Variants in PDE10A observed in about 807,000 individuals in gnomAD.
The protein encoded by PDE10A is cAMP and cAMP-inhibited cGMP 3',5'-cyclic phosphodiesterase 10A.
A neutral mutation model predicts 97.7 loss-of-function variants in PDE10A; 39 were observed. The observed-to-expected ratio is 0.40, with a 90% CI of 0.31 to 0.52. The LOEUF is 0.52. Among genes scored for constraint, PDE10A ranks in the 20% least tolerant of loss-of-function variants. The probability of loss-of-function intolerance (pLI) is 0.56; values close to 1 mark genes in which losing one functional copy is unlikely to be tolerated. For synonymous variants in PDE10A, 371 were observed against 376.8 expected, an observed-to-expected ratio of 0.98 and a Z score of 0.18; for missense variants, 731 against 1,047.8, an observed-to-expected ratio of 0.70 and a Z score of 4.17.
At chr6:165,361,477 T>C (rs1286757014) in intron 18 of PDE10A, among the ~76,000 whole-genome samples, 10 of 152,252 alleles carry the variant, frequency 6.6e-5, no homozygotes, top group Admixed American at 6.5e-4. Context: ...CAAAGAGATA[T>C]GCTGAAGTCC....
At chr6:165,487,702 A>G (rs1454009320) in intron 2 of PDE10A, among the ~76,000 whole-genome samples, 1 of 152,168 alleles carries the variant, frequency 6.6e-6, no homozygotes, top group Non-Finnish European at 1.5e-5. Context: ...ATAAGTTAAC[A>G]ATATAAATTG....
intron 1 of PDE10A, among the ~76,000 whole-genome samples, chr6:165,911,485 T>C (rs9356404): frequency 0.17 from 25,820 of 152,168 alleles, 2,482 homozygotes; most frequent in East Asian, 0.27. Context: ...ATCCCAACTT[T>C]CATCTGGTTA....
At chr6:165,628,750 G>T (rs1021046639) in intron 1 of PDE10A, among the ~76,000 whole-genome samples, 1 of 152,004 alleles carries the variant, frequency 6.6e-6, no homozygotes, top group Non-Finnish European at 1.5e-5. Context: ...AACCCAAAAT[G>T]GTTAATTTTT....
intron 2 of PDE10A, among the ~76,000 whole-genome samples, chr6:165,530,807 G>A (rs369155821): frequency 2.0e-5 from 3 of 152,148 alleles, no homozygotes; most frequent in East Asian, 3.9e-4. Flanking sequence ...GTGTGCTGAT[G>A]TTTTGGAGAG....
chr6:165,523,938 C>T (rs182403407), intron 2 of PDE10A, among the ~76,000 whole-genome samples: 34 of 152,230 alleles, frequency 2.2e-4, no homozygotes, highest in African/African-American at 7.9e-4. Context: ...CTGGGGAAGA[C>T]GGGCCCACTC....
Position 165,792,800 on chromosome 6 carries a change from A to G in PDE10A, c.-615+194729T>C, listed in dbSNP as rs369281820. 3.6e-4 allele frequency among the ~76,000 whole-genome samples: 55 copies of G among 152,306 alleles called. 1 individual carries two copies. The highest frequency in any genetic ancestry group is 1.3e-3 in the African/African-American group (53 of 41,546). On this transcript the variant is annotated intron_variant, in intron 1 of 19. Transcript: ENST00000366882. ...ACCTAACACGGTTAAAAGGTTTGTA[A>G]GTGATTGTTGTGGCATCCAGTATTC...
At chr6:165,471,221 C>A (rs1164449841) in intron 3 of PDE10A, among the ~76,000 whole-genome samples, 2 of 152,058 alleles carry the variant, frequency 1.3e-5, no homozygotes, top group East Asian at 1.9e-4. Context: ...GAAACATATG[C>A]CCCTGATTCT....
intron 1 of PDE10A, among the ~76,000 whole-genome samples, chr6:165,672,995 C>T (rs1790690451): frequency 6.6e-6 from 1 of 152,134 alleles, no homozygotes; most frequent in South Asian, 2.1e-4. Context: ...TGAATACTCC[C>T]CTCCACACCT....
At chr6:165,346,307 C>G (rs1159475924) in intron 18 of PDE10A, among the ~76,000 whole-genome samples, 1 of 152,106 alleles carries the variant, frequency 6.6e-6, no homozygotes, top group Non-Finnish European at 1.5e-5. Context: ...AGTAGTGGGA[C>G]AGGGGGAGTA....
intron 13 of PDE10A, among the ~76,000 whole-genome samples, chr6:165,403,823 G>C (rs1786879747): frequency 1.3e-5 from 2 of 152,118 alleles, no homozygotes. Context: ...TCAGACGTGT[G>C]ATATTTGCCT....
At chr6:165,529,491 C>T (rs1339536492) in intron 2 of PDE10A, among the ~76,000 whole-genome samples, 3 of 152,112 alleles carry the variant, frequency 2.0e-5, no homozygotes, top group Admixed American at 2.0e-4. Context: ...TTGCTGAAGG[C>T]CAAGGAAATA....
intron 1 of PDE10A, among the ~76,000 whole-genome samples, chr6:165,769,618 T>A (rs934048047): frequency 6.6e-6 from 1 of 152,152 alleles, no homozygotes; most frequent in African/African-American, 2.4e-5. Context: ...TGCTAATAGT[T>A]TTTTTCTACC....
chr6:165,960,520 C>G (rs1784323533), intron 1 of PDE10A, among the ~76,000 whole-genome samples: 1 of 152,158 alleles, frequency 6.6e-6, no homozygotes, highest in South Asian at 2.1e-4. Context: ...AAGGCTACCC[C>G]TAGACATGTT....
intron 3 of PDE10A, among the ~76,000 whole-genome samples, chr6:165,453,711 G>A (rs1208356196): frequency 6.6e-6 from 1 of 152,204 alleles, no homozygotes; most frequent in Non-Finnish European, 1.5e-5. Flanking sequence ...CATGAGCTGT[G>A]GTGCCACAGC....
intron 1 of PDE10A, among the ~76,000 whole-genome samples, chr6:165,656,258 T>TCTCTCACACACA (rs1365414526): frequency 2.3e-5 from 3 of 129,838 alleles, no homozygotes; most frequent in African/African-American, 9.4e-5. Context: ...TCTCTCTCTC[T>TCTCTCACACACA]CACACACACA....
intron 7 of PDE10A, 130 bp downstream of exon 7, chr6:165,432,844 T>C (rs747151183): frequency 4.4e-6 from 3 of 678,182 alleles, no homozygotes; most frequent in Non-Finnish European, 7.6e-6. Context: ...CAAAACACTG[T>C]TAAGCAAATT....
At chr6:165,694,567 A>T (rs1250971291) in intron 1 of PDE10A, among the ~76,000 whole-genome samples, 4 of 152,196 alleles carry the variant, frequency 2.6e-5, no homozygotes, top group African/African-American at 9.7e-5. Context: ...GTGTCGGGAG[A>T]CCGGGACTCC....
intron 1 of PDE10A, among the ~76,000 whole-genome samples, chr6:165,892,563 A>G (rs573425592): frequency 1.4e-4 from 21 of 152,298 alleles, no homozygotes; most frequent in Middle Eastern, 6.8e-3. Flanking sequence ...GCATGGGTGC[A>G]TGCGCTCTCC....
At position 165,823,896 on chromosome 6, in the gene PDE10A, A is replaced by G. The variant is rs537404645; in HGVS notation, c.-615+163633T>C. Among the ~76,000 whole-genome samples, 11 of 152,288 alleles carry G rather than the reference A, an allele frequency of 7.2e-5. No individual in the cohort carries two copies. The East Asian group carries it at 2.1e-3, about 29-fold the overall frequency. ...ATGTCATTGTATGACATGTGACGGTATTTATGCTTTAAGTATGTATGCATT... is the reference window on the plus strand; with the variant it reads ...ATGTCATTGTATGACATGTGACGGTGTTTATGCTTTAAGTATGTATGCATT... On this transcript the variant is annotated intron_variant, in intron 1 of 19. Transcript: ENST00000366882.
Sources: gnomAD v4.1 joint callset for allele counts (sites outside exome capture counted in the v4.1 genomes callset) on GRCh38, gnomAD v4.1.1 for gene constraint, MANE v1.5 for transcripts, NCBI Gene and HGNC (gene_info 2026-07-23, HGNC 2026-07-21) for gene names.